RBFOX1: variants seen among roughly 807,000 people sequenced by gnomAD.
RBFOX1 encodes RNA binding protein fox-1 homolog 1.
A neutral mutation model predicts 57.7 loss-of-function variants in RBFOX1; 8 were observed. The observed-to-expected ratio is 0.14, with a 90% CI of 0.08 to 0.25. The LOEUF (loss-of-function observed/expected upper bound fraction) is 0.25, where lower values mean the gene tolerates loss of function less well. Ranked by LOEUF, RBFOX1 falls within the 10% of genes least tolerant of loss-of-function variation. RBFOX1 has a pLI of 1.00. For missense variants in RBFOX1, 611 were observed against 548.5 expected (o/e 1.11, Z -1.14); for synonymous variants, 326 against 222.4 (o/e 1.47, Z -4.15).
chr16:7,008,355 A>G (rs2093420279), intron 3 of RBFOX1, among the ~76,000 whole-genome samples: 1 of 152,090 alleles, frequency 6.6e-6, no homozygotes, highest in Non-Finnish European at 1.5e-5. Flanking sequence ...CATTCTGGCC[A>G]GTATGATGAA....
At chr16:6,102,983 C>A (rs1341875764) in intron 1 of RBFOX1, among the ~76,000 whole-genome samples, 1 of 152,150 alleles carries the variant, frequency 6.6e-6, no homozygotes, top group Non-Finnish European at 1.5e-5. Flanking sequence ...TCCCTTGGTT[C>A]AGTCTTGCAA....
intron 4 of RBFOX1, among the ~76,000 whole-genome samples, chr16:7,504,672 A>C (rs2072175043): frequency 7.5e-6 from 1 of 133,886 alleles, no homozygotes; most frequent in Admixed American, 7.8e-5. Flanking sequence ...GCTGAAAATG[A>C]GTTTATTACT....
At chr16:6,121,629 C>T (rs1161574848) in intron 1 of RBFOX1, among the ~76,000 whole-genome samples, 4 of 152,124 alleles carry the variant, frequency 2.6e-5, no homozygotes, top group Admixed American at 2.6e-4. Flanking sequence ...AGGCTCAACT[C>T]AGTGGGGACA....
intron 4 of RBFOX1, among the ~76,000 whole-genome samples, chr16:7,370,318 G>C (rs1026414321): frequency 6.6e-6 from 1 of 152,172 alleles, no homozygotes; most frequent in Non-Finnish European, 1.5e-5. Context: ...ATGTTATCTA[G>C]GTTGGTCTTT....
At chr16:7,271,972 C>T (rs758171836) in intron 4 of RBFOX1, among the ~76,000 whole-genome samples, 2 of 152,088 alleles carry the variant, frequency 1.3e-5, no homozygotes, top group African/African-American at 4.8e-5. Flanking sequence ...CCACCTATTC[C>T]CCTCTTGTTA....
chr16:5,762,646 G>T (rs1446245840), intron 3 of RBFOX1, among the ~76,000 whole-genome samples: 3 of 152,106 alleles, frequency 2.0e-5, no homozygotes, highest in Non-Finnish European at 4.4e-5. Flanking sequence ...GAAGTAAGTG[G>T]TACTCATTGC....
chr16:6,356,226 T>A (rs996468137), intron 2 of RBFOX1, among the ~76,000 whole-genome samples: 1 of 152,054 alleles, frequency 6.6e-6, no homozygotes, highest in South Asian at 2.1e-4. Flanking sequence ...TTCCAGAGAG[T>A]ACAGCATGGA....
intron 4 of RBFOX1, among the ~76,000 whole-genome samples, chr16:7,131,345 T>C (rs1424123719): frequency 1.1e-5 from 1 of 90,760 alleles, no homozygotes; most frequent in Non-Finnish European, 2.6e-5. Flanking sequence ...GACTGTCTTT[T>C]TTTTTTTTTT....
rs184184373 is a variant in RBFOX1, at chr16:6,265,693, C to A, written c.-126-51302C>A. Among the ~76,000 whole-genome samples the A allele has an allele frequency of 2.6e-5, 4 of 152,306 alleles. No individual in the cohort carries two copies. The East Asian group carries it at 5.8e-4, about 22-fold the overall frequency. On this transcript the variant is annotated intron_variant, in intron 1 of 15. Transcript: ENST00000550418. ...ACCACCAAATTAGCTTTGGTGCACC[C>A]AGCGTGGGAAAAGGAGCTTTTCTTT...
At chr16:6,245,808 C>T (rs2097566052) in intron 1 of RBFOX1, among the ~76,000 whole-genome samples, 2 of 152,196 alleles carry the variant, frequency 1.3e-5, no homozygotes, top group South Asian at 4.1e-4. Flanking sequence ...GAAGCCAAAG[C>T]CACTACACTG....
intron 4 of RBFOX1, among the ~76,000 whole-genome samples, chr16:7,168,135 G>C (rs1330094780): frequency 1.3e-5 from 2 of 152,170 alleles, no homozygotes; most frequent in Admixed American, 6.5e-5. Flanking sequence ...TCCGTCTGTT[G>C]AATCAGTCAG....
intron 4 of RBFOX1, among the ~76,000 whole-genome samples, chr16:7,221,344 A>T (rs201131811): frequency 3.5e-5 from 4 of 114,632 alleles, no homozygotes; most frequent in East Asian, 7.2e-4. Flanking sequence ...TTTTTATTTG[A>T]TTATTTATTT....
chr16:7,533,935 C>T (rs2080808654), intron 5 of RBFOX1, among the ~76,000 whole-genome samples: 1 of 152,054 alleles, frequency 6.6e-6, no homozygotes, highest in Admixed American at 6.6e-5. Context: ...AATTCTAAAA[C>T]CAATGGTGGG....
Position 6,353,208 on chromosome 16 carries a change from A to G in RBFOX1, c.-64+36151A>G, listed in dbSNP as rs145880543. ...AGATCATCTCCTCTACCATTGAAGG[A>G]CAATGGGAAATGCTGCCGCTTTTAT... is the stretch of plus-strand genomic sequence containing the variant. On this transcript the variant is annotated intron_variant, in intron 2 of 15. Coordinates refer to ENST00000550418, the MANE Select transcript of RBFOX1 (RefSeq NM_018723.4). Among the ~76,000 whole-genome samples the G allele has an allele frequency of 7.3e-3, 1,107 of 152,228 alleles. 5 individuals are homozygous for G. The highest frequency in any genetic ancestry group is 0.012 in the Admixed American group (176 of 15,276).
intron 3 of RBFOX1, among the ~76,000 whole-genome samples, chr16:5,732,720 A>G (rs951655874): frequency 3.3e-5 from 5 of 152,150 alleles, no homozygotes; most frequent in Admixed American, 2.6e-4. Context: ...TTACTTAACA[A>G]TTATTTACTA....
chr16:7,102,585 A>AGG (rs2062875040), intron 4 of RBFOX1, among the ~76,000 whole-genome samples: 1 of 152,172 alleles, frequency 6.6e-6, no homozygotes, highest in African/African-American at 2.4e-5. Context: ...AATAATAATT[A>AGG]GGCAGTGATC....
intron 3 of RBFOX1, among the ~76,000 whole-genome samples, chr16:5,852,042 G>T (rs761875124): frequency 8.5e-5 from 13 of 152,138 alleles, no homozygotes; most frequent in African/African-American, 1.2e-4. Flanking sequence ...TACATCATGG[G>T]GTGTGATAAG....
chr16:6,808,289 C>A (rs1036458272), intron 3 of RBFOX1, among the ~76,000 whole-genome samples: 3 of 151,606 alleles, frequency 2.0e-5, no homozygotes, highest in African/African-American at 4.9e-5. Context: ...TTATCTTTTT[C>A]TCTCCTGCCT....
intron 4 of RBFOX1, among the ~76,000 whole-genome samples, chr16:7,509,430 G>T (rs374434295): frequency 3.5e-5 from 5 of 141,558 alleles, no homozygotes; most frequent in African/African-American, 1.0e-4. Flanking sequence ...GTGTGTGTGT[G>T]TCTGTGTCTG....
Sources: allele counts gnomAD v4.1 joint callset (sites outside exome capture counted in the v4.1 genomes callset), GRCh38; gene constraint gnomAD v4.1.1; transcripts MANE v1.5; gene names NCBI Gene and HGNC (gene_info 2026-07-23, HGNC 2026-07-21).